Variants in EFNA5 observed in about 807,000 individuals in gnomAD.
The protein encoded by EFNA5 is ephrin A5.
In EFNA5, 5 loss-of-function variants were observed where a neutral mutation model predicts 22.9. The ratio of observed to expected loss-of-function variants is 0.22; its 90% CI spans 0.11 to 0.46. The LOEUF is 0.46. EFNA5 is among the 20% of genes least tolerant of loss of function. The probability of loss-of-function intolerance (pLI) is 0.99; values close to 1 mark genes in which losing one functional copy is unlikely to be tolerated. For synonymous variants in EFNA5, 113 were observed against 112.2 expected (o/e 1.01, Z -0.04); for missense variants, 237 against 293.3 (o/e 0.81, Z 1.40).
At chr5:107,409,717 A>C (rs1490495645) in intron 2 of EFNA5, among the ~76,000 whole-genome samples, 2 of 152,224 alleles carry the variant, frequency 1.3e-5, no homozygotes, top group Non-Finnish European at 2.9e-5. Context: ...TAAATTGTTC[A>C]TTAAAGTGGA....
At chr5:107,511,648 T>A (rs1747372682) in intron 1 of EFNA5, among the ~76,000 whole-genome samples, 1 of 152,194 alleles carries the variant, frequency 6.6e-6, no homozygotes, top group South Asian at 2.1e-4. Context: ...TACAACAATC[T>A]TTTTAGTTTC....
At chr5:107,550,298 T>C (rs891231843) in intron 1 of EFNA5, among the ~76,000 whole-genome samples, 8 of 152,230 alleles carry the variant, frequency 5.3e-5, no homozygotes, top group African/African-American at 1.7e-4. Flanking sequence ...AAGTTCTATT[T>C]TAATATGATT....
In EFNA5 at chr5:107,479,458, T is replaced by TA. The variant is rs1315348395; in HGVS notation, c.126-51950_126-51949insT. Among the ~76,000 whole-genome samples, 450 of 146,492 alleles carry TA rather than the reference T, an allele frequency of 3.1e-3. 4 individuals are homozygous for TA. The highest frequency in any genetic ancestry group is 6.8e-3 in the South Asian group (32 of 4,708). On this transcript the variant is annotated intron_variant, in intron 1 of 4. Coordinates refer to ENST00000333274, the MANE Select transcript of EFNA5 (RefSeq NM_001962.3). ...CTGACCTCAATAAATGAAAACACAT[T>TA]TAAAAAAAAAAAACAACCTAAATTA...
intron 1 of EFNA5, among the ~76,000 whole-genome samples, chr5:107,478,805 T>C (rs969772202): frequency 6.6e-6 from 1 of 152,158 alleles, no homozygotes; most frequent in African/African-American, 2.4e-5. Flanking sequence ...CTATTTACCA[T>C]TGTCATTAGA....
At chr5:107,506,494 T>G (rs1181261156) in intron 1 of EFNA5, among the ~76,000 whole-genome samples, 2 of 152,148 alleles carry the variant, frequency 1.3e-5, no homozygotes, top group African/African-American at 2.4e-5. Context: ...CAAACCTCAC[T>G]CTGATAGACC....
chr5:107,649,107 G>C (rs17160324), intron 1 of EFNA5, among the ~76,000 whole-genome samples: 6 of 151,936 alleles, frequency 3.9e-5, no homozygotes, highest in African/African-American at 1.4e-4. Context: ...TAGTGTCAAG[G>C]CCTTACCACA....
intron 1 of EFNA5, among the ~76,000 whole-genome samples, chr5:107,626,638 T>C (rs1750147179): frequency 6.6e-6 from 1 of 152,184 alleles, no homozygotes; most frequent in South Asian, 2.1e-4. Flanking sequence ...AGAAGCCTTG[T>C]TGGACCTAGC....
At chr5:107,553,139 T>A (rs1436210602) in intron 1 of EFNA5, among the ~76,000 whole-genome samples, 1 of 151,914 alleles carries the variant, frequency 6.6e-6, no homozygotes, top group African/African-American at 2.4e-5. Context: ...GAAAAAGAAC[T>A]GCCCCAGTCC....
chr5:107,404,328 A>G (rs1041123600), intron 2 of EFNA5, among the ~76,000 whole-genome samples: 2 of 152,174 alleles, frequency 1.3e-5, no homozygotes, highest in African/African-American at 2.4e-5. Flanking sequence ...TTTCACTCCA[A>G]TTACTCTAGA....
chr5:107,402,775 G>T (rs1460391587), intron 2 of EFNA5, among the ~76,000 whole-genome samples: 1 of 152,136 alleles, frequency 6.6e-6, no homozygotes, highest in Non-Finnish European at 1.5e-5. Flanking sequence ...GAAATTCTGT[G>T]GCAGGATGCT....
chr5:107,441,140 CTG>C (rs1749246363), intron 1 of EFNA5, among the ~76,000 whole-genome samples: 1 of 151,910 alleles, frequency 6.6e-6, no homozygotes, highest in Non-Finnish European at 1.5e-5. Flanking sequence ...TCAGGACACT[CTG>C]TATCTGAGAA....
intron 1 of EFNA5, among the ~76,000 whole-genome samples, chr5:107,468,260 G>C (rs535357422): frequency 1.3e-5 from 2 of 152,250 alleles, no homozygotes; most frequent in African/African-American, 4.8e-5. Flanking sequence ...GCTTTAAATA[G>C]GCAAGAATCA....
At chr5:107,480,691 T>C (rs1750434409) in intron 1 of EFNA5, among the ~76,000 whole-genome samples, 1 of 152,144 alleles carries the variant, frequency 6.6e-6, no homozygotes, top group Non-Finnish European at 1.5e-5. Flanking sequence ...GAGCTCTCCA[T>C]GAGCAGGGCT....
At chr5:107,665,972 C>T (rs1334658133) in intron 1 of EFNA5, among the ~76,000 whole-genome samples, 3 of 152,136 alleles carry the variant, frequency 2.0e-5, no homozygotes, top group Admixed American at 6.5e-5. Context: ...ACTACCAATA[C>T]ATCTAATAAT....
At chr5:107,414,665 T>C (rs530514768) in intron 2 of EFNA5, among the ~76,000 whole-genome samples, 2 of 152,320 alleles carry the variant, frequency 1.3e-5, no homozygotes, top group Admixed American at 6.5e-5. Flanking sequence ...TTATAGCATT[T>C]GGAATACAAA....
At chr5:107,449,518 C>G (rs774117726) in intron 1 of EFNA5, among the ~76,000 whole-genome samples, 2 of 152,006 alleles carry the variant, frequency 1.3e-5, no homozygotes, top group Non-Finnish European at 2.9e-5. Flanking sequence ...TCCCCGCCCC[C>G]CCAACTACAC....
chr5:107,641,514 G>A (rs1750511335), intron 1 of EFNA5, among the ~76,000 whole-genome samples: 1 of 152,144 alleles, frequency 6.6e-6, no homozygotes. Flanking sequence ...CAAGAGCATG[G>A]TAGGCTGTGG....
At chr5:107,631,134 A>G (rs1189320731) in intron 1 of EFNA5, among the ~76,000 whole-genome samples, 2 of 152,160 alleles carry the variant, frequency 1.3e-5, no homozygotes. Flanking sequence ...AATGATAAGA[A>G]GTACAGTACA....
chr5:107,483,122 C>A (rs1423297717), intron 1 of EFNA5, among the ~76,000 whole-genome samples: 1 of 151,980 alleles, frequency 6.6e-6, no homozygotes, highest in Admixed American at 6.6e-5. Context: ...GCCATATTAT[C>A]TTCTGATTTT....
Sources: gnomAD v4.1 joint callset for allele counts (sites outside exome capture counted in the v4.1 genomes callset) on GRCh38, gnomAD v4.1.1 for gene constraint, MANE v1.5 for transcripts, NCBI Gene and HGNC (gene_info 2026-07-23, HGNC 2026-07-21) for gene names.